Variants in SPSB4 observed in about 807,000 individuals in gnomAD.
SPSB4 encodes splA/ryanodine receptor domain and SOCS box containing 4.
SPSB4 carries 21 observed loss-of-function variants against 20.9 expected under a neutral mutation model. That is an observed-to-expected ratio of 1.01 (90% CI 0.71 to 1.45). The LOEUF (loss-of-function observed/expected upper bound fraction) is 1.45, where lower values mean the gene tolerates loss of function less well. SPSB4 is among the 40% of genes most tolerant of loss of function. The probability of loss-of-function intolerance (pLI) is 0.00; values close to 1 mark genes in which losing one functional copy is unlikely to be tolerated. For missense variants in SPSB4, 399 were observed against 399.2 expected (o/e 1.00, Z 0.00); for synonymous variants, 207 against 183.8 (o/e 1.13, Z -1.02).
intron 2 of SPSB4, among the ~76,000 whole-genome samples, chr3:141,103,580 T>A (rs1254145695): frequency 5.3e-5 from 8 of 152,116 alleles, no homozygotes; most frequent in South Asian, 2.1e-4. Context: ...CATTTATACC[T>A]CCCTGGTTAC....
At chr3:141,140,058 T>G (rs1012166576) in intron 2 of SPSB4, among the ~76,000 whole-genome samples, 1 of 152,192 alleles carries the variant, frequency 6.6e-6, no homozygotes, top group Admixed American at 6.5e-5. Context: ...TCTCTAAATT[T>G]CTCTTCACGC....
chr3:141,095,598 G>C (rs1938535003), intron 2 of SPSB4, among the ~76,000 whole-genome samples: 1 of 152,076 alleles, frequency 6.6e-6, no homozygotes, highest in Non-Finnish European at 1.5e-5. Flanking sequence ...GAGAAGGATG[G>C]ATGAGGAGGG....
At chr3:141,063,134 T>G (rs1937797537) in intron 1 of SPSB4, among the ~76,000 whole-genome samples, 1 of 152,232 alleles carries the variant, frequency 6.6e-6, no homozygotes, top group Non-Finnish European at 1.5e-5. Flanking sequence ...TAAAACCTTT[T>G]GTCCTGAAAT....
intron 2 of SPSB4, among the ~76,000 whole-genome samples, chr3:141,139,700 G>T (rs1451931974): frequency 6.6e-6 from 1 of 152,340 alleles, no homozygotes; most frequent in African/African-American, 2.4e-5. Flanking sequence ...TCTGCCGAGA[G>T]ATCAGCTGTT....
intron 2 of SPSB4, among the ~76,000 whole-genome samples, chr3:141,135,343 T>A (rs992576929): frequency 6.6e-6 from 1 of 151,086 alleles, no homozygotes; most frequent in Non-Finnish European, 1.5e-5. Flanking sequence ...TTTCTTTTAT[T>A]ATTATTATTA....
rs147541912 is a variant in SPSB4 at position 141,094,538 on chromosome 3, A to G, written c.694+27740A>G. On this transcript the variant is annotated intron_variant, in intron 2 of 2. Coordinates refer to ENST00000310546, the MANE Select transcript of SPSB4 (RefSeq NM_080862.3). ...TCGGAGAATGGCTGGTGAGAGACTCAGGGAAGGCCTCTTAGAGGAGGCAAT... is the reference window on the plus strand; with the variant it reads ...TCGGAGAATGGCTGGTGAGAGACTCGGGGAAGGCCTCTTAGAGGAGGCAAT... Among the ~76,000 whole-genome samples the G allele has an allele frequency of 1.5e-3, 229 of 152,308 alleles. 1 individual carries two copies. The highest frequency in any genetic ancestry group is 5.4e-3 in the African/African-American group (224 of 41,566).
At chr3:141,129,341 T>A (rs542361032) in intron 2 of SPSB4, among the ~76,000 whole-genome samples, 1 of 152,346 alleles carries the variant, frequency 6.6e-6, no homozygotes, top group Admixed American at 6.5e-5. Flanking sequence ...GGAACACAAC[T>A]GTCCCAGATG....
At chr3:141,061,585 G>C (rs1051900867) in intron 1 of SPSB4, among the ~76,000 whole-genome samples, 1 of 151,608 alleles carries the variant, frequency 6.6e-6, no homozygotes, top group Non-Finnish European at 1.5e-5. Context: ...TAATGAACCA[G>C]TATTGATACA....
chr3:141,053,229 C>T (rs1023127745), intron 1 of SPSB4, among the ~76,000 whole-genome samples: 20 of 150,886 alleles, frequency 1.3e-4, no homozygotes, highest in Non-Finnish European at 2.8e-4. Flanking sequence ...GCCCCCCACC[C>T]GCGCAATTTG....
At chr3:141,058,282 CCCTG>C (rs1937695457) in intron 1 of SPSB4, among the ~76,000 whole-genome samples, 2 of 152,212 alleles carry the variant, frequency 1.3e-5, no homozygotes, top group African/African-American at 4.8e-5. Flanking sequence ...CTCCTCATTT[CCCTG>C]TCGGGTAGGA....
intron 1 of SPSB4, among the ~76,000 whole-genome samples, chr3:141,064,665 A>T (rs1316371100): frequency 6.6e-6 from 1 of 152,098 alleles, no homozygotes; most frequent in Non-Finnish European, 1.5e-5. Context: ...AGGGCATGAA[A>T]AACACCCATC....
At chr3:141,146,290 T>G (rs188536425) in intron 2 of SPSB4, among the ~76,000 whole-genome samples, 53 of 152,254 alleles carry the variant, frequency 3.5e-4, no homozygotes, top group Admixed American at 3.3e-3. Flanking sequence ...CAGAACTAGG[T>G]GCTGGAAGAA....
intron 2 of SPSB4, among the ~76,000 whole-genome samples, chr3:141,107,371 A>G (rs1020671977): frequency 2.0e-5 from 3 of 151,862 alleles, no homozygotes; most frequent in Non-Finnish European, 4.4e-5. Flanking sequence ...GTTCATAGGA[A>G]TGCAAAAGGC....
intron 2 of SPSB4, among the ~76,000 whole-genome samples, chr3:141,072,529 T>A (rs1459665433): frequency 6.6e-6 from 1 of 152,184 alleles, no homozygotes; most frequent in African/African-American, 2.4e-5. Context: ...TCTCTCTTAC[T>A]GTCTCTCTTA....
At chr3:141,090,234 A>G (rs1432185977) in intron 2 of SPSB4, among the ~76,000 whole-genome samples, 4 of 152,202 alleles carry the variant, frequency 2.6e-5, no homozygotes, top group African/African-American at 9.7e-5. Context: ...TTAATTGAGT[A>G]CCTACTACAT....
At chr3:141,143,999 C>T (rs894864288) in intron 2 of SPSB4, among the ~76,000 whole-genome samples, 7 of 152,184 alleles carry the variant, frequency 4.6e-5, no homozygotes, top group African/African-American at 1.7e-4. Flanking sequence ...CTAACAGTGT[C>T]AGGGACATTT....
chr3:141,054,347 A>G (rs759971065), intron 1 of SPSB4, among the ~76,000 whole-genome samples: 24 of 152,366 alleles, frequency 1.6e-4, no homozygotes, highest in East Asian at 1.9e-4. Context: ...ATATAAGTAC[A>G]TAGTATGTAC....
Position 141,120,955 on chromosome 3 carries a change from T to C in SPSB4, c.695-26187T>C, listed in dbSNP as rs534480217. ...ATGTGTGAATGTGATCCTGTCATTA[T>C]GATGTTAGCTGGCTATTTTGCTCGT... On this transcript the variant is annotated intron_variant, in intron 2 of 2. Transcript: ENST00000310546. 4.2e-3 allele frequency among the ~76,000 whole-genome samples: 643 copies of C among 151,658 alleles called. 5 individuals are homozygous for C. Among genetic ancestry groups the C allele is most frequent in the African/African-American group, 0.015 (625 of 41,438 alleles).
intron 2 of SPSB4, among the ~76,000 whole-genome samples, chr3:141,134,325 G>T (rs1939190461): frequency 6.6e-6 from 1 of 151,938 alleles, no homozygotes; most frequent in Non-Finnish European, 1.5e-5. Flanking sequence ...TTGTCTGACT[G>T]TTCTGGCTAG....
Sources: gnomAD v4.1 joint callset for allele counts (sites outside exome capture counted in the v4.1 genomes callset) on GRCh38, gnomAD v4.1.1 for gene constraint, MANE v1.5 for transcripts, NCBI Gene and HGNC (gene_info 2026-07-23, HGNC 2026-07-21) for gene names.